EPB41: variants seen among roughly 807,000 people sequenced by gnomAD.
The protein encoded by EPB41 is protein 4.1.
Under a neutral mutation model 108.0 loss-of-function variants are expected in EPB41, and 65 were observed. The observed-to-expected ratio is 0.60, with a 90% confidence interval of 0.49 to 0.74. The LOEUF (loss-of-function observed/expected upper bound fraction) is 0.74. Ranked by LOEUF, EPB41 falls within the 30% of genes least tolerant of loss-of-function variation. The pLI, the probability that EPB41 is intolerant of heterozygous loss-of-function variation, is 0.00. For missense variants in EPB41, 875 were observed against 1,037.0 expected (o/e 0.84, Z 2.15); for synonymous variants, 336 against 358.9 (o/e 0.94, Z 0.72).
At chr1:28,902,227 A>C (rs866198886) in intron 1 of EPB41, 1 of 985,202 alleles carries the variant, frequency 1.0e-6, no homozygotes, top group African/African-American at 1.7e-5. Flanking sequence ...AGCTGGGTCA[A>C]CCCTGAGGCT....
At chr1:29,051,588 G>A (rs1319117501) in intron 11 of EPB41, among the ~76,000 whole-genome samples, 1 of 152,000 alleles carries the variant, frequency 6.6e-6, no homozygotes, top group African/African-American at 2.4e-5. Context: ...TGATTTCCAT[G>A]CAAATTGATT....
intron 4 of EPB41, among the ~76,000 whole-genome samples, chr1:29,011,052 A>AG (rs2096490953): frequency 6.7e-6 from 1 of 148,264 alleles, no homozygotes; most frequent in Non-Finnish European, 1.5e-5. Context: ...CGGGAGGCGG[A>AG]GGTTGCAGTG....
intron 2 of EPB41, among the ~76,000 whole-genome samples, chr1:28,992,562 G>A (rs1160114029): frequency 1.3e-5 from 2 of 152,084 alleles, no homozygotes; most frequent in African/African-American, 2.4e-5. Flanking sequence ...GGTGGCGGGC[G>A]CCTGTAGTCC....
chr1:28,983,264 C>T (rs1250726942), intron 1 of EPB41, among the ~76,000 whole-genome samples: 1 of 152,216 alleles, frequency 6.6e-6, no homozygotes, highest in Non-Finnish European at 1.5e-5. Context: ...CATTAATTAA[C>T]AAGGATTTAT....
intron 1 of EPB41, among the ~76,000 whole-genome samples, chr1:28,977,400 T>G (rs571479893): frequency 6.6e-6 from 1 of 151,750 alleles, no homozygotes; most frequent in Admixed American, 6.6e-5. Context: ...TTTTCTTTTT[T>G]TTTTTTTTTT....
intron 16 of EPB41, among the ~76,000 whole-genome samples, chr1:29,086,407 A>G (rs1008338117): frequency 6.6e-6 from 1 of 151,154 alleles, no homozygotes; most frequent in Non-Finnish European, 1.5e-5. Context: ...CGGAGTAGCT[A>G]GGACTACAGG....
intron 15 of EPB41, among the ~76,000 whole-genome samples, chr1:29,062,689 C>T (rs373419521): frequency 5.9e-5 from 9 of 151,294 alleles, no homozygotes; most frequent in African/African-American, 1.2e-4. Flanking sequence ...CCCCCTTCTC[C>T]TACCCCGCCC....
At chr1:29,016,173 G>A (rs1268843767) in intron 6 of EPB41, among the ~76,000 whole-genome samples, 1 of 151,800 alleles carries the variant, frequency 6.6e-6, no homozygotes, top group Non-Finnish European at 1.5e-5. Context: ...CCTTCTTTTT[G>A]TTGTTGTTTT....
At chr1:28,899,757 C>T (rs1353577695) in intron 1 of EPB41, among the ~76,000 whole-genome samples, 2 of 152,142 alleles carry the variant, frequency 1.3e-5, no homozygotes, top group Non-Finnish European at 2.9e-5. Flanking sequence ...ATTACCTACC[C>T]TTCCTGAGCC....
At chr1:29,039,948 G>A (rs1162046048) in intron 11 of EPB41, among the ~76,000 whole-genome samples, 1 of 152,208 alleles carries the variant, frequency 6.6e-6, no homozygotes. Flanking sequence ...CTAGGTAGTG[G>A]TGGATCAAAC....
chr1:29,108,888 GAA>G lies in EPB41; in HGVS notation c.2314-432_2314-431del, dbSNP rs35276284. Among the ~76,000 whole-genome samples, 577 of 132,228 alleles carry G rather than the reference GAA, an allele frequency of 4.4e-3. 1 individual carries two copies. The highest frequency in any genetic ancestry group is 8.7e-3 in the African/African-American group (304 of 35,060). 86.7% of individuals were successfully genotyped at this position (132,228 alleles called of 152,430 possible). ...ATTTTATTTGTTAAGAGGTTACCCT[GAA>G]AAAAAAAAAAAAAAAGAGGTTACCC... On this transcript the variant is annotated intron_variant, in intron 17 of 20. Coordinates refer to ENST00000343067, the MANE Select transcript of EPB41 (RefSeq NM_001376013.1).
chr1:28,979,142 TCA>T (rs2095674229), intron 1 of EPB41, among the ~76,000 whole-genome samples: 1 of 151,600 alleles, frequency 6.6e-6, no homozygotes, highest in Non-Finnish European at 1.5e-5. Context: ...AATTGTTTCC[TCA>T]CAGAAAGGCT....
At position 28,959,212 on chromosome 1, in the gene EPB41, C is replaced by CTTTTT. The variant is rs34502231; in HGVS notation, c.-7-28200_-7-28196dup. Among the ~76,000 whole-genome samples, 227 of 97,944 alleles carry CTTTTT rather than the reference C, an allele frequency of 2.3e-3. 8 individuals carry two copies. Among genetic ancestry groups the CTTTTT allele is most frequent in the African/African-American group, 8.3e-3 (201 of 24,160 alleles). The allele number at this position is 97,944 out of a possible 152,430, so 64.3% of individuals were successfully genotyped here. A position where few individuals can be genotyped will look rare whatever the true frequency, so the allele number is the denominator to read the frequency against. On this transcript the variant is annotated intron_variant, in intron 1 of 20. Transcript: ENST00000343067. The stretch of plus-strand genomic sequence containing the variant: ...ACTACGGAGCCTTTAAAAGTTTGAT[C>CTTTTT]TTTTTTTTTTTTTTTTTTTTTTTGA...
At chr1:28,896,591 A>G (rs2090688937) in intron 1 of EPB41, among the ~76,000 whole-genome samples, 1 of 152,244 alleles carries the variant, frequency 6.6e-6, no homozygotes, top group African/African-American at 2.4e-5. Flanking sequence ...TGCAAAGGGC[A>G]GGAAAAAAGA....
At chr1:29,068,992 G>A (rs1166937993) in intron 16 of EPB41, among the ~76,000 whole-genome samples, 1 of 152,124 alleles carries the variant, frequency 6.6e-6, no homozygotes, top group Non-Finnish European at 1.5e-5. Flanking sequence ...GCTTATTTCG[G>A]CGCATGGCTG....
intron 1 of EPB41, among the ~76,000 whole-genome samples, chr1:28,888,537 T>A (rs949574172): frequency 6.6e-6 from 1 of 152,258 alleles, no homozygotes; most frequent in Non-Finnish European, 1.5e-5. Context: ...GAACACTCCC[T>A]GCCTTGAAGG....
intron 1 of EPB41, among the ~76,000 whole-genome samples, chr1:28,895,944 AC>A (rs1279146213): frequency 6.6e-6 from 1 of 152,126 alleles, no homozygotes; most frequent in African/African-American, 2.4e-5. Context: ...CACACACTGC[AC>A]CCCCACCCAG....
chr1:29,039,578 C>A, intron 11 of EPB41, 152 bp downstream of exon 11: 1 of 998,522 alleles, frequency 1.0e-6, no homozygotes. Flanking sequence ...TTTGGGAGGC[C>A]AGGGCAGGTG....
chr1:29,066,598 G>T (rs1355198821), intron 16 of EPB41, among the ~76,000 whole-genome samples: 1 of 152,110 alleles, frequency 6.6e-6, no homozygotes, highest in Non-Finnish European at 1.5e-5. Context: ...TAAAAATTAT[G>T]TGCTTGTTTT....
Sources: gnomAD v4.1 joint callset for allele counts (sites outside exome capture counted in the v4.1 genomes callset) on GRCh38, gnomAD v4.1.1 for gene constraint, MANE v1.5 for transcripts, NCBI Gene and HGNC (gene_info 2026-07-23, HGNC 2026-07-21) for gene names.